Variants in EIF2B3 observed in about 807,000 individuals in gnomAD.
EIF2B3 encodes the protein eukaryotic translation initiation factor 2B subunit gamma.
EIF2B3 carries 20 observed loss-of-function variants against 54.1 expected under a neutral mutation model. The ratio of observed to expected loss-of-function variants is 0.37; its 90% CI spans 0.26 to 0.54. The LOEUF is 0.54. EIF2B3 is among the 20% of genes least tolerant of loss of function. EIF2B3 has a pLI of 0.86. For synonymous variants in EIF2B3, 153 were observed against 188.1 expected (o/e 0.81, Z 1.52); for missense variants, 448 against 547.8 (o/e 0.82, Z 1.82).
intron 5 of EIF2B3, among the ~76,000 whole-genome samples, chr1:44,919,680 C>T (rs989772211): frequency 1.3e-5 from 2 of 149,492 alleles, no homozygotes; most frequent in Non-Finnish European, 3.0e-5. Context: ...CCTTCATCAT[C>T]ATACTGGGGA....
intron 3 of EIF2B3, among the ~76,000 whole-genome samples, chr1:44,972,267 ATATACACACACAAACACACACATG>A (rs1644408017): frequency 2.6e-5 from 2 of 77,606 alleles, no homozygotes; most frequent in African/African-American, 1.3e-4. Flanking sequence ...ACACACACAC[ATATACACACACAAACACACACATG>A]TATATACACA....
Position 44,875,815 on chromosome 1 carries a change from CG to C in EIF2B3, c.976-121del, listed in dbSNP as rs1264992715. ...CGGTCTCCCTCTCCCTCTCTTTCCA[CG>C]GTCTCCCTCTGATGCCGAGCCAAAG... is the stretch of plus-strand genomic sequence containing the variant. On this transcript the variant is annotated intron_variant, in intron 8 of 11. Coordinates refer to ENST00000360403, the MANE Select transcript of EIF2B3 (RefSeq NM_020365.5). The C allele has an allele frequency of 4.9e-5, 40 of 811,648 alleles. No homozygotes were observed. The African/African-American group carries it at 6.1e-4, about 12-fold the overall frequency. 50.3% of individuals were successfully genotyped at this position (811,648 alleles called of 1,614,324 possible). A position where few individuals can be genotyped will look rare whatever the true frequency, so the allele number is the denominator to read the frequency against.
At chr1:44,929,467 A>C (rs1477201248) in intron 4 of EIF2B3, among the ~76,000 whole-genome samples, 1 of 152,218 alleles carries the variant, frequency 6.6e-6, no homozygotes, top group South Asian at 2.1e-4. Flanking sequence ...AATTATAAAA[A>C]ATTATATGTT....
chr1:44,978,454 A>G lies in EIF2B3; in HGVS notation c.155T>C (p.Ile52Thr). 3 of 1,613,220 alleles carry G rather than the reference A, an allele frequency of 1.9e-6. No individual in the cohort carries two copies. The South Asian group carries it at 3.3e-5, about 18-fold the overall frequency. The change falls in exon 3 of 12, where the codon ATT (isoleucine) becomes ACT (threonine). Residue 52 changes from isoleucine to threonine, a missense_variant. This residue lies in a region of EIF2B3 where 95 missense variants were observed against 115.7 expected (regional missense o/e 0.82). Coordinates refer to ENST00000360403, the MANE Select transcript of EIF2B3 (RefSeq NM_020365.5). Reference protein sequence around the residue: ...LLERVGFEEVIVVTTRDVQKA... With the variant: ...LLERVGFEEVTVVTTRDVQKA... ...TTGAACATCCCTGGTTGTAACCACA[A>G]TGACTTCTATAGGACAAAAGAAAAA... is the stretch of plus-strand genomic sequence containing the variant.
chr1:44,981,068 G>A lies in EIF2B3; in HGVS notation c.101C>T (p.Pro34Leu). 6 of 1,613,298 alleles carry A rather than the reference G, an allele frequency of 3.7e-6. No homozygotes were observed. The highest frequency in any genetic ancestry group is 5.1e-6 in the Non-Finnish European group (6 of 1,179,950). ...CAGGTTCAATGGGTACCAAATTAAA[G>A]GTTTGTTCCCAACTGGAAGCAGAGG... ...PKPLLPVGNK[P>L]LIWYPLNLLE... Residue 34 changes from proline (P) to leucine (L), a missense_variant, in exon 2 of 12, where the codon CCT becomes CTT. Around this residue, in one of 3 missense-constraint regions of EIF2B3, gnomAD observed 95 missense variants for 115.7 expected, o/e 0.82. Coordinates refer to ENST00000360403, the MANE Select transcript of EIF2B3 (RefSeq NM_020365.5).
At chr1:44,867,525 A>G (rs1654819597) in intron 10 of EIF2B3, among the ~76,000 whole-genome samples, 1 of 152,224 alleles carries the variant, frequency 6.6e-6, no homozygotes, top group Admixed American at 6.5e-5. Context: ...GCACATAACG[A>G]ATATGAGAAA....
chr1:44,877,192 TAAAAAAAAAAAAAAAA>T (rs768263508), intron 8 of EIF2B3, among the ~76,000 whole-genome samples: 6 of 52,082 alleles, frequency 1.2e-4, no homozygotes, highest in East Asian at 4.7e-4. Flanking sequence ...GAATGATCAA[TAAAAAAAAAAAAAAAA>T]AAAAAAAAAA....
chr1:44,883,849 T>A (rs1210784605), intron 6 of EIF2B3, among the ~76,000 whole-genome samples: 1 of 152,142 alleles, frequency 6.6e-6, no homozygotes, highest in Non-Finnish European at 1.5e-5. Context: ...GTGGTAATTT[T>A]TCCTTGTTAG....
intron 1 of EIF2B3, among the ~76,000 whole-genome samples, chr1:44,984,513 C>G (rs1323336983): frequency 6.6e-6 from 1 of 151,924 alleles, no homozygotes; most frequent in Non-Finnish European, 1.5e-5. Flanking sequence ...ATGATTCTGA[C>G]ACTCATAGGT....
At chr1:44,958,590 T>G in intron 3 of EIF2B3, 1 of 1,455,692 alleles carries the variant, frequency 6.9e-7, no homozygotes, top group Non-Finnish European at 9.6e-7. Context: ...ACTTTGTAAT[T>G]ATCAAAAGTG....
rs547803564 is a variant in EIF2B3, at chr1:44,896,450, G to GAT, written c.656+903_656+904dup. On this transcript the variant is annotated intron_variant, in intron 6 of 11. Transcript: ENST00000360403. ...CAATCCTCCTTCCTCTTAATATTCC[G>GAT]ATATATATTCAAGTCCATCAGCCAA... 9.9e-5 allele frequency among the ~76,000 whole-genome samples: 15 copies of GAT among 152,212 alleles called. No individual in the cohort carries two copies. The East Asian group carries it at 2.5e-3, about 25-fold the overall frequency.
chr1:44,874,558 G>A, intron 10 of EIF2B3, 120 bp downstream of exon 10: 1 of 1,032,740 alleles, frequency 9.7e-7, no homozygotes, highest in Non-Finnish European at 1.4e-6. Flanking sequence ...TTATTCTATT[G>A]CCCTCTTGAT....
At chr1:44,930,010 C>A (rs565826846) in intron 4 of EIF2B3, among the ~76,000 whole-genome samples, 2 of 152,296 alleles carry the variant, frequency 1.3e-5, no homozygotes, top group African/African-American at 4.8e-5. Flanking sequence ...AGAAAGGCTA[C>A]ACAAACTTAA....
At chr1:44,919,996 A>G (rs992744220) in intron 5 of EIF2B3, among the ~76,000 whole-genome samples, 2 of 147,596 alleles carry the variant, frequency 1.4e-5, no homozygotes, top group African/African-American at 5.0e-5. Flanking sequence ...CTGGGATTAT[A>G]GGCATGAACC....
At chr1:44,928,161 T>C (rs1213482210) in intron 4 of EIF2B3, among the ~76,000 whole-genome samples, 1 of 146,824 alleles carries the variant, frequency 6.8e-6, no homozygotes, top group Non-Finnish European at 1.5e-5. Context: ...CAGAAATAAA[T>C]AGGCCGGGCA....
At chr1:44,917,306 C>T (rs1400803846) in intron 5 of EIF2B3, among the ~76,000 whole-genome samples, 1 of 151,966 alleles carries the variant, frequency 6.6e-6, no homozygotes, top group Non-Finnish European at 1.5e-5. Context: ...CCAGCCTGAC[C>T]AACATGGTGA....
rs141482290 is a variant in EIF2B3 at position 44,961,876 on chromosome 1, T to A, written c.294+16439A>T. Among the ~76,000 whole-genome samples the A allele has an allele frequency of 1.1e-4, 17 of 152,192 alleles. No homozygotes were observed. The East Asian group carries it at 3.1e-3, about 28-fold the overall frequency. On this transcript the variant is annotated intron_variant, in intron 3 of 11. Coordinates refer to ENST00000360403, the MANE Select transcript of EIF2B3 (RefSeq NM_020365.5). Reference sequence around the variant, plus strand: ...GAAAGCCTGTGTTCTTTTCACCACATCACCCTACCTTATCACAAAAAATAA... The same window carrying A: ...GAAAGCCTGTGTTCTTTTCACCACAACACCCTACCTTATCACAAAAAATAA...
At chr1:44,908,631 T>C (rs903574544) in intron 5 of EIF2B3, among the ~76,000 whole-genome samples, 2 of 152,174 alleles carry the variant, frequency 1.3e-5, no homozygotes, top group African/African-American at 4.8e-5. Flanking sequence ...GGGGTAAGCA[T>C]GATTAGATAA....
intron 6 of EIF2B3, among the ~76,000 whole-genome samples, chr1:44,896,804 A>T (rs1383086832): frequency 2.6e-5 from 4 of 152,252 alleles, no homozygotes. Context: ...AAACTATTTA[A>T]GTCCTACAAT....
Sources: allele counts gnomAD v4.1 joint callset (sites outside exome capture counted in the v4.1 genomes callset), GRCh38; gene constraint gnomAD v4.1.1; regional missense constraint gnomAD v4.1.1; transcripts MANE v1.5; gene names NCBI Gene and HGNC (gene_info 2026-07-23, HGNC 2026-07-21).